DLC1: variants seen among roughly 807,000 people sequenced by gnomAD.
DLC1 encodes rho GTPase-activating protein 7.
Under a neutral mutation model 140.3 loss-of-function variants are expected in DLC1, and 54 were observed. That is an observed-to-expected ratio of 0.38 (90% CI 0.31 to 0.48). DLC1 has a LOEUF of 0.48. Ranked by LOEUF, DLC1 falls within the 20% of genes least tolerant of loss-of-function variation. The pLI is 0.96. For synonymous variants in DLC1, 986 were observed against 728.1 expected, an observed-to-expected ratio of 1.35 and a Z score of -5.70; for missense variants, 2,536 against 1,907.0, an observed-to-expected ratio of 1.33 and a Z score of -6.14.
At chr8:13,187,469 T>G (rs1010701416) in intron 5 of DLC1, among the ~76,000 whole-genome samples, 1 of 152,148 alleles carries the variant, frequency 6.6e-6, no homozygotes. Flanking sequence ...ATCTTGAAAA[T>G]GCTAGGTGGT....
chr8:13,371,288 A>G (rs963243061), intron 4 of DLC1, among the ~76,000 whole-genome samples: 1 of 152,142 alleles, frequency 6.6e-6, no homozygotes, highest in African/African-American at 2.4e-5. Flanking sequence ...ACAGCCTTCA[A>G]AATTGTCTCC....
upstream of DLC1, chr8:13,515,702 T>C (rs2117271679): frequency 6.6e-6 from 1 of 152,324 alleles, no homozygotes; most frequent in Non-Finnish European, 1.5e-5. Context: ...AATGACTTCC[T>C]CCTAGCTGCT....
chr8:13,250,764 AAGAG>A (rs1324373844), intron 5 of DLC1, among the ~76,000 whole-genome samples: 2 of 151,944 alleles, frequency 1.3e-5, no homozygotes, highest in East Asian at 1.9e-4. Flanking sequence ...GAAAAAAAGA[AAGAG>A]AGAGAGAGAA....
chr8:13,466,073 C>T (rs547665945), intron 2 of DLC1, among the ~76,000 whole-genome samples: 39 of 152,258 alleles, frequency 2.6e-4, no homozygotes, highest in South Asian at 1.5e-3. Flanking sequence ...TGGGCATAGA[C>T]GGGGCAGATA....
At chr8:13,373,650 C>G (rs1432009132) in intron 4 of DLC1, among the ~76,000 whole-genome samples, 1 of 152,092 alleles carries the variant, frequency 6.6e-6, no homozygotes, top group Non-Finnish European at 1.5e-5. Flanking sequence ...GTATTACTTT[C>G]AGAAAGTACA....
At chr8:13,332,382 T>A (rs1460794866) in intron 4 of DLC1, among the ~76,000 whole-genome samples, 1 of 151,926 alleles carries the variant, frequency 6.6e-6, no homozygotes, top group African/African-American at 2.4e-5. Context: ...ATAGCATACC[T>A]TGGTAGCTGC....
chr8:13,298,708 C>T (rs908579234), intron 5 of DLC1, among the ~76,000 whole-genome samples: 1 of 152,058 alleles, frequency 6.6e-6, no homozygotes, highest in African/African-American at 2.4e-5. Flanking sequence ...ATTGTTGGAT[C>T]CAATGAAGCA....
chr8:13,408,500 C>A (rs1837659791), intron 2 of DLC1, among the ~76,000 whole-genome samples: 1 of 152,200 alleles, frequency 6.6e-6, no homozygotes, highest in African/African-American at 2.4e-5. Flanking sequence ...CTTCCATACA[C>A]AGTTTCCTGA....
chr8:13,143,831 A>AGAGAGAGAGAGAGAGAGAGAGG (rs1823210380), intron 5 of DLC1, among the ~76,000 whole-genome samples: 1 of 151,312 alleles, frequency 6.6e-6, no homozygotes, highest in South Asian at 2.1e-4. Context: ...AGAGAGAGAG[A>AGAGAGAGAGAGAGAGAGAGAGG]GAGAGAGAGA....
chr8:13,203,207 T>A (rs1011440957), intron 5 of DLC1, among the ~76,000 whole-genome samples: 1 of 152,248 alleles, frequency 6.6e-6, no homozygotes, highest in African/African-American at 2.4e-5. Flanking sequence ...CTCACTAGTT[T>A]CTACATTTTC....
intron 5 of DLC1, among the ~76,000 whole-genome samples, chr8:13,223,971 T>A (rs980706454): frequency 6.6e-6 from 1 of 152,178 alleles, no homozygotes; most frequent in Admixed American, 6.5e-5. Context: ...ATAGAGTATG[T>A]GTAAGAAGCT....
chr8:13,232,273 C>T (rs1176877549), intron 5 of DLC1, among the ~76,000 whole-genome samples: 1 of 152,098 alleles, frequency 6.6e-6, no homozygotes, highest in Non-Finnish European at 1.5e-5. Context: ...CAGTCGCTCA[C>T]ACACACAGGG....
intron 2 of DLC1, among the ~76,000 whole-genome samples, chr8:13,485,046 C>A (rs193139451): frequency 3.9e-5 from 6 of 152,192 alleles, no homozygotes; most frequent in Admixed American, 2.6e-4. Flanking sequence ...AAATATAGAA[C>A]AACAATAAAA....
At chr8:13,466,576 A>G (rs1000001983) in intron 2 of DLC1, among the ~76,000 whole-genome samples, 1 of 152,194 alleles carries the variant, frequency 6.6e-6, no homozygotes, top group African/African-American at 2.4e-5. Flanking sequence ...TAGGCCGTCT[A>G]CCTAATGAAG....
chr8:13,199,177 C>CTTTTTTTTTT (rs71207132), intron 5 of DLC1, among the ~76,000 whole-genome samples: 3 of 93,286 alleles, frequency 3.2e-5, no homozygotes, highest in Non-Finnish European at 4.1e-5. Context: ...TTCTCTTTTT[C>CTTTTTTTTTT]TTTTTTTTTT....
chr8:13,259,786 C>T (rs1173123857), intron 5 of DLC1, among the ~76,000 whole-genome samples: 1 of 148,086 alleles, frequency 6.8e-6, no homozygotes, highest in African/African-American at 2.5e-5. Context: ...TATACAAGTA[C>T]AACAGATGGG....
At chr8:13,136,637 C>T (rs879259036) in intron 5 of DLC1, among the ~76,000 whole-genome samples, 9 of 152,286 alleles carry the variant, frequency 5.9e-5, no homozygotes, top group Non-Finnish European at 8.8e-5. Context: ...CAGGCTCAAG[C>T]GATCCTCTCA....
At position 13,100,529 on chromosome 8, in the gene DLC1, A is replaced by T. The variant is rs755015848; in HGVS notation, c.1808T>A (p.Leu603His). 1.9e-6 allele frequency: 3 copies of T among 1,612,472 alleles called. No homozygotes were observed. In the African/African-American group the frequency reaches 4.0e-5, roughly 22 times the overall value. The change falls in exon 9 of 18, where the codon CTC becomes CAC. Residue 603 changes from leucine (L) to histidine (H), a missense_variant. Physicochemically the swap from Leu to His is moderately conservative, Grantham distance 99 (BLOSUM62 -3). Coordinates refer to ENST00000276297, the MANE Select transcript of DLC1 (RefSeq NM_182643.3). ...SVRSLSSTGS[L>H]PSHAPPSEDA... ...CTCGCTGGGGGGCGCGTGGCTGGGG[A>T]GGCTGCCAGTGCTGCTGAGGCTGCG...
At chr8:13,241,475 T>C (rs1403466644) in intron 5 of DLC1, among the ~76,000 whole-genome samples, 1 of 152,172 alleles carries the variant, frequency 6.6e-6, no homozygotes, top group Non-Finnish European at 1.5e-5. Flanking sequence ...TTATACCTTT[T>C]TTATGTGTTT....
Sources: gnomAD v4.1 joint callset for allele counts (sites outside exome capture counted in the v4.1 genomes callset) on GRCh38, gnomAD v4.1.1 for gene constraint, MANE v1.5 for transcripts, NCBI Gene and HGNC (gene_info 2026-07-23, HGNC 2026-07-21) for gene names.